Variants in ITGA9 observed in about 807,000 individuals in gnomAD.
The protein encoded by ITGA9 is integrin subunit alpha 9.
ITGA9 carries 56 observed loss-of-function variants against 127.8 expected under a neutral mutation model. The ratio of observed to expected loss-of-function variants is 0.44; its 90% CI spans 0.35 to 0.55. The LOEUF (loss-of-function observed/expected upper bound fraction) is 0.55, where lower values mean the gene tolerates loss of function less well. Ranked by LOEUF, ITGA9 falls within the 20% of genes least tolerant of loss-of-function variation. ITGA9 has a pLI of 0.00. For missense variants in ITGA9, 1,196 were observed against 1,347.1 expected (o/e 0.89, Z 1.76); for synonymous variants, 508 against 514.5 (o/e 0.99, Z 0.17).
rs192203580 is a variant in ITGA9 at position 37,780,037 on chromosome 3, C to A, written c.2787+16C>A. On this transcript the variant is annotated intron_variant, in intron 25 of 27. Coordinates refer to ENST00000264741, the MANE Select transcript of ITGA9 (RefSeq NM_002207.3). The stretch of plus-strand genomic sequence containing the variant: ...ACTGAAAAAGGTAAGCCCTAATGAA[C>A]CGCACTTGTGGATGCATTTAGAAGC... 8 of 1,613,486 alleles carry A rather than the reference C, an allele frequency of 5.0e-6. No individual in the cohort carries two copies. In the Admixed American group the frequency reaches 8.3e-5, roughly 17 times the overall value.
At chr3:37,593,377 A>C (rs988473947) in intron 15 of ITGA9, among the ~76,000 whole-genome samples, 7 of 152,202 alleles carry the variant, frequency 4.6e-5, no homozygotes, top group African/African-American at 1.7e-4. Context: ...TGGATGTGGA[A>C]CCCATAGATA....
intron 1 of ITGA9, among the ~76,000 whole-genome samples, chr3:37,455,438 A>T (rs1698245454): frequency 6.6e-6 from 1 of 152,186 alleles, no homozygotes; most frequent in Non-Finnish European, 1.5e-5. Context: ...AGAAAAATAC[A>T]TTAATTTATT....
At chr3:37,655,648 G>A (rs1053303981) in intron 17 of ITGA9, among the ~76,000 whole-genome samples, 1 of 152,258 alleles carries the variant, frequency 6.6e-6, no homozygotes, top group South Asian at 2.1e-4. Context: ...TAGGTTGCCT[G>A]TTCACTCTGA....
At chr3:37,808,093 A>G (rs1697320233) in intron 27 of ITGA9, 1 of 152,058 alleles carries the variant, frequency 6.6e-6, no homozygotes, top group Non-Finnish European at 1.5e-5. Flanking sequence ...CTACTTGGCT[A>G]CACATCCGCA....
intron 8 of ITGA9, among the ~76,000 whole-genome samples, chr3:37,511,200 C>G (rs1039754632): frequency 6.6e-6 from 1 of 152,000 alleles, no homozygotes; most frequent in Non-Finnish European, 1.5e-5. Context: ...AAAACAAAAC[C>G]AAACAAAAAA....
chr3:37,653,912 A>G, intron 17 of ITGA9, 122 bp downstream of exon 17: 1 of 731,366 alleles, frequency 1.4e-6, no homozygotes, highest in South Asian at 1.5e-5. Flanking sequence ...GGTTACAGTA[A>G]TATTCTGTGG....
In ITGA9 at chr3:37,533,347, C is replaced by T. The variant is rs774482781; in HGVS notation, c.1407C>T (p.Ile469=). The T allele has an allele frequency of 1.2e-5, 20 of 1,614,112 alleles. No individual in the cohort carries two copies. The highest frequency in any genetic ancestry group is 1.7e-5 in the Non-Finnish European group (20 of 1,180,046). ...CTGTCATTACGGTGGATGTCTCCAT[C>T]TTCCTCCCGGGCTCCATCAACATCA... ...ARPVITVDVS[I]FLPGSINITA... is the part of the protein sequence containing the mutation. The change falls in exon 14 of 28, where the codon ATC becomes ATT. Residue 469 remains isoleucine, a synonymous_variant. Transcript: ENST00000264741.
At chr3:37,582,577 G>A (rs1699719739) in intron 15 of ITGA9, among the ~76,000 whole-genome samples, 1 of 152,208 alleles carries the variant, frequency 6.6e-6, no homozygotes, top group African/African-American at 2.4e-5. Context: ...GCAGGATTTT[G>A]GATGGTAGTG....
At chr3:37,626,983 G>A (rs1405778763) in intron 15 of ITGA9, among the ~76,000 whole-genome samples, 2 of 152,086 alleles carry the variant, frequency 1.3e-5, no homozygotes, top group Non-Finnish European at 2.9e-5. Context: ...TCCACACCGC[G>A]GGCAGTCTTC....
Position 37,517,497 on chromosome 3 carries a change from T to C in ITGA9, c.1036-7T>C. The C allele has an allele frequency of 1.3e-6, 2 of 1,573,232 alleles. No individual in the cohort carries two copies. The highest frequency in any genetic ancestry group is 2.3e-5 in the South Asian group (2 of 85,722). On this transcript the variant is annotated splice_polypyrimidine_tract_variant and splice_region_variant and intron_variant, in intron 9 of 27. Coordinates refer to ENST00000264741, the MANE Select transcript of ITGA9 (RefSeq NM_002207.3). ...TTTTCCATTTTCTCCTCCATCCTGT[T>C]TCCCAGGGAGCCCTCGAGGAGCAGC...
chr3:37,660,659 A>G (rs1358756661), intron 17 of ITGA9, among the ~76,000 whole-genome samples: 2 of 152,154 alleles, frequency 1.3e-5, no homozygotes, highest in Non-Finnish European at 2.9e-5. Context: ...CATATGTATC[A>G]GCTACCAATT....
intron 22 of ITGA9, chr3:37,748,328 G>A: frequency 1.7e-6 from 1 of 578,126 alleles, no homozygotes; most frequent in East Asian, 3.9e-5. Flanking sequence ...CATGCTGTTG[G>A]CATTGTTATA....
At chr3:37,689,595 G>A (rs2364656) in intron 18 of ITGA9, among the ~76,000 whole-genome samples, 119 of 152,250 alleles carry the variant, frequency 7.8e-4, no homozygotes, top group African/African-American at 2.6e-3. Flanking sequence ...GGGCCGGGGG[G>A]TGCTGCATGG....
chr3:37,513,310 T>C (rs1698951933), intron 8 of ITGA9, among the ~76,000 whole-genome samples: 1 of 152,178 alleles, frequency 6.6e-6, no homozygotes, highest in Non-Finnish European at 1.5e-5. Flanking sequence ...GCCAGTTAGC[T>C]TTGTCTCACA....
chr3:37,784,161 C>T (rs748601296), intron 25 of ITGA9, among the ~76,000 whole-genome samples: 1 of 152,218 alleles, frequency 6.6e-6, no homozygotes, highest in Non-Finnish European at 1.5e-5. Context: ...CGACAGAAGC[C>T]AGGCTGCCCT....
rs140506213 is a variant in ITGA9 at position 37,771,976 on chromosome 3, T to C, written c.2542-5416T>C. ...TCCTCAGCTTCCACCTAAGAGGTAG[T>C]GCAGGAAAGTGGTGATAAGCAGATG... On this transcript the variant is annotated intron_variant, in intron 23 of 27. Transcript: ENST00000264741. Among the ~76,000 whole-genome samples the C allele has an allele frequency of 3.2e-3, 482 of 152,236 alleles. 5 individuals are homozygous for C. Among genetic ancestry groups the C allele is most frequent in the African/African-American group, 0.011 (459 of 41,538 alleles).
At chr3:37,692,412 A>AGTGTGT (rs59928496) in intron 18 of ITGA9, among the ~76,000 whole-genome samples, 1,925 of 146,054 alleles carry the variant, frequency 0.013, 41 homozygotes, top group African/African-American at 0.044. Flanking sequence ...AGAGAGAGAG[A>AGTGTGT]GTGTGTGTGT....
In ITGA9 at chr3:37,777,423, A is replaced by G. The variant is rs906977270; in HGVS notation, c.2573A>G (p.Gln858Arg). ...VGQEKGNCSFQKNPTPCIIPQ... is the reference protein window; with the variant it reads ...VGQEKGNCSFRKNPTPCIIPQ... ...CAAGAGAAGGGAAACTGCTCTTTCC[A>G]GAAAAACCCAACTCCCTGCATCATC... The change falls in exon 24 of 28, where the codon CAG becomes CGG. Residue 858 changes from glutamine to arginine, a missense_variant. Coordinates refer to ENST00000264741, the MANE Select transcript of ITGA9 (RefSeq NM_002207.3). 6.2e-7 allele frequency: 1 copy of G among 1,614,180 alleles called. No individual in the cohort carries two copies. Among genetic ancestry groups the G allele is most frequent in the Non-Finnish European group, 8.5e-7 (1 of 1,180,018 alleles).
At chr3:37,547,966 G>A (rs1056619166) in intron 15 of ITGA9, among the ~76,000 whole-genome samples, 1 of 152,160 alleles carries the variant, frequency 6.6e-6, no homozygotes, top group South Asian at 2.1e-4. Flanking sequence ...ATCTGTGTGT[G>A]TACCTCCTTT....
Sources: gnomAD v4.1 joint callset for allele counts (sites outside exome capture counted in the v4.1 genomes callset) on GRCh38, gnomAD v4.1.1 for gene constraint, MANE v1.5 for transcripts, NCBI Gene and HGNC (gene_info 2026-07-23, HGNC 2026-07-21) for gene names.